Variants in CDKN2B observed in about 807,000 individuals in gnomAD.
CDKN2B encodes the protein cyclin dependent kinase inhibitor 2B.
Under a neutral mutation model 7.7 loss-of-function variants are expected in CDKN2B, and 8 were observed. The observed-to-expected ratio is 1.04, with a 90% CI of 0.61 to 1.87. The LOEUF is 1.87. Among genes scored for constraint, CDKN2B ranks in the 40% most tolerant of loss-of-function variants. The pLI, the probability that CDKN2B is intolerant of heterozygous loss-of-function variation, is 0.00. For synonymous variants in CDKN2B, 93 were observed against 95.8 expected, an observed-to-expected ratio of 0.97 and a Z score of 0.17; for missense variants, 244 against 213.1, an observed-to-expected ratio of 1.15 and a Z score of -0.90.
rs142459906 is a variant in CDKN2B at position 22,004,405 on chromosome 9, T to C, written c.*1582A>G. ...TATACACTTTGTGTTTAATTTTCTA[T>C]GGCATAAGTAAGCAGTTTTTATGAA... On this transcript the variant is annotated 3_prime_UTR_variant, in exon 2 of 2. Coordinates refer to ENST00000276925, the MANE Select transcript of CDKN2B (RefSeq NM_004936.4). 324 of 232,356 alleles carry C rather than the reference T, an allele frequency of 1.4e-3. 2 individuals carry two copies. Among genetic ancestry groups the C allele is most frequent in the African/African-American group, 6.5e-3 (296 of 45,448 alleles). 14.4% of individuals were successfully genotyped at this position (232,356 alleles called of 1,614,324 possible).
In CDKN2B at chr9:22,004,507, G is replaced by C; in HGVS notation, c.*1480C>G. ...CCTGTGAACCTTTAACATTTCTCAGGAGTTAGTGGTAAACCCATGAACATG... is the reference window on the plus strand; with the variant it reads ...CCTGTGAACCTTTAACATTTCTCAGCAGTTAGTGGTAAACCCATGAACATG... On this transcript the variant is annotated 3_prime_UTR_variant, in exon 2 of 2. Transcript: ENST00000276925. 4.3e-6 allele frequency: 1 copy of C among 232,600 alleles called. No homozygotes were observed. The highest frequency in any genetic ancestry group is 8.5e-6 in the Non-Finnish European group (1 of 117,676). 14.4% of individuals were successfully genotyped at this position (232,600 alleles called of 1,614,324 possible).
In CDKN2B at chr9:22,005,671, ATTTCATATGCAC is replaced by A. The variant is rs1176670137; in HGVS notation, c.*304_*315del. The A allele has an allele frequency of 1.0e-5, 5 of 497,746 alleles. No individual in the cohort carries two copies. The highest frequency in any genetic ancestry group is 9.9e-5 in the Admixed American group (3 of 30,372). 30.8% of individuals were successfully genotyped at this position (497,746 alleles called of 1,614,324 possible). The stretch of plus-strand genomic sequence containing the variant: ...TCGTAGCCACCAGGTCCAGTCAAGG[ATTTCATATGCAC>A]TTTCCCTCAGAAAACCCTGAAAAGC... On this transcript the variant is annotated 3_prime_UTR_variant, in exon 2 of 2. Coordinates refer to ENST00000276925, the MANE Select transcript of CDKN2B (RefSeq NM_004936.4). The surrounding 1 kb of genome is among the most constrained non-coding windows in gnomAD (Gnocchi z 4.9).
At chr9:22,008,751 C>G in intron 1 of CDKN2B, 47 bp downstream of exon 1, 1 of 1,610,396 alleles carries the variant, frequency 6.2e-7, no homozygotes, top group Non-Finnish European at 8.5e-7. Flanking sequence ...AGGCCGCGCC[C>G]CGCGTTCGCG....
Position 22,004,192 on chromosome 9 carries a change from C to T in CDKN2B, c.*1795G>A, listed in dbSNP as rs929800525. ...TTCCCCAATAACATATGCTCTGATT[C>T]TCAACTAACTTTCCCCAGTAATATG... is the stretch of plus-strand genomic sequence containing the variant. On this transcript the variant is annotated 3_prime_UTR_variant, in exon 2 of 2. Coordinates refer to ENST00000276925, the MANE Select transcript of CDKN2B (RefSeq NM_004936.4). The T allele has an allele frequency of 3.9e-5, 9 of 232,304 alleles. No homozygotes were observed. The highest frequency in any genetic ancestry group is 2.0e-4 in the African/African-American group (9 of 45,320). 14.4% of individuals were successfully genotyped at this position (232,304 alleles called of 1,614,324 possible).
In CDKN2B at chr9:22,006,233, G is replaced by T. The variant is rs1821181531; in HGVS notation, c.171C>A (p.Gly57=). Reference sequence around the variant, plus strand: ...GCAGCAGCTCCGCCACGCGGGCGCTGCCCATCATCATGACCTGCCAGAGAG... The same window carrying T: ...GCAGCAGCTCCGCCACGCGGGCGCTTCCCATCATCATGACCTGCCAGAGAG... The part of the protein sequence containing the change: ...GRRAIQVMMM[G]SARVAELLLL... The change falls in exon 2 of 2, where the codon GGC becomes GGA. Residue 57 remains glycine (G), a synonymous_variant. Coordinates refer to ENST00000276925, the MANE Select transcript of CDKN2B (RefSeq NM_004936.4). This position sits in a 1 kb window ranked among gnomAD's most constrained non-coding sequence, Gnocchi z 6.4. 2 of 1,606,048 alleles carry T rather than the reference G, an allele frequency of 1.2e-6. No individual in the cohort carries two copies. Among genetic ancestry groups the T allele is most frequent in the African/African-American group, 2.7e-5 (2 of 75,072 alleles).
Position 22,006,960 on chromosome 9 carries a change from G to A in CDKN2B, c.157-713C>T, listed in dbSNP as rs1216494611. 6.6e-6 allele frequency among the ~76,000 whole-genome samples: 1 copy of A among 151,982 alleles called. No individual in the cohort carries two copies. Among genetic ancestry groups the A allele is most frequent in the East Asian group, 1.9e-4 (1 of 5,204 alleles). On this transcript the variant is annotated intron_variant, in intron 1 of 1. Transcript: ENST00000276925. The surrounding 1 kb of genome is among the most constrained non-coding windows in gnomAD (Gnocchi z 6.4). ...TTAACAGTTCATCATTTTAAATTTA[G>A]ACTATAATATTTTTAATGTAATATA...
rs766011722 is a variant in CDKN2B, at chr9:22,005,977, G to A, written c.*10C>T. On this transcript the variant is annotated 3_prime_UTR_variant, in exon 2 of 2. Coordinates refer to ENST00000276925, the MANE Select transcript of CDKN2B (RefSeq NM_004936.4). The surrounding 1 kb of genome is among the most constrained non-coding windows in gnomAD (Gnocchi z 4.9). Reference sequence around the variant, plus strand: ...AATAAAGTCGTTGTGGGCGGCTGGGGAACCTGGCGTCAGTCCCCCGTGGCT... The same window carrying A: ...AATAAAGTCGTTGTGGGCGGCTGGGAAACCTGGCGTCAGTCCCCCGTGGCT... 3.8e-5 allele frequency: 61 copies of A among 1,600,624 alleles called. No individual in the cohort carries two copies. Among genetic ancestry groups the A allele is most frequent in the Middle Eastern group, 3.6e-4 (2 of 5,556 alleles).
rs1188669195 is a variant in CDKN2B at position 22,005,858 on chromosome 9, C to G, written c.*129G>C. ...CGGTCGGCTCCTCCTTCCTGTGAGT[C>G]TCAGACAGGCTTGCAGGCTTACAGG... On this transcript the variant is annotated 3_prime_UTR_variant, in exon 2 of 2. Transcript: ENST00000276925. The surrounding 1 kb of genome is among the most constrained non-coding windows in gnomAD (Gnocchi z 4.9). 2.3e-6 allele frequency: 3 copies of G among 1,303,932 alleles called. No individual in the cohort carries two copies. The highest frequency in any genetic ancestry group is 2.1e-6 in the Non-Finnish European group (2 of 939,934). 80.8% of individuals were successfully genotyped at this position (1,303,932 alleles called of 1,614,324 possible). A position where few individuals can be genotyped will look rare whatever the true frequency, so the allele number is the denominator to read the frequency against.
At chr9:22,008,368 T>A (rs1488142628) in intron 1 of CDKN2B, among the ~76,000 whole-genome samples, 1 of 152,236 alleles carries the variant, frequency 6.6e-6, no homozygotes, top group Admixed American at 6.5e-5. Context: ...TTTCATATAG[T>A]AGCTTAGAAG....
chr9:22,008,869 T>A lies in CDKN2B; in HGVS notation c.85A>T (p.Lys29Ter), dbSNP rs1385463467. 6.2e-7 allele frequency: 1 copy of A among 1,612,154 alleles called. No homozygotes were observed. ...ASAAARGLVE[K>*]VRQLLEAGAD... ...CCGGCTTCCAGGAGCTGTCGCACCT[T>A]CTCCACTAGTCCCCGCGCCGCGGCG... is the stretch of plus-strand genomic sequence containing the variant. Residue 29 changes from lysine to a stop codon, truncating the protein, a stop_gained, in exon 1 of 2, where the codon AAG becomes TAG. Coordinates refer to ENST00000276925, the MANE Select transcript of CDKN2B (RefSeq NM_004936.4). LOFTEE classifies it high-confidence loss of function.
rs1821181674 is a variant in CDKN2B at position 22,006,235 on chromosome 9, C to G, written c.169G>C (p.Gly57Arg). 1 of 1,605,764 alleles carries G rather than the reference C, an allele frequency of 6.2e-7. No homozygotes were observed. The highest frequency in any genetic ancestry group is 8.5e-7 in the Non-Finnish European group (1 of 1,179,804). ...GRRAIQVMMM[G>R]SARVAELLLL... ...AGCAGCTCCGCCACGCGGGCGCTGC[C>G]CATCATCATGACCTGCCAGAGAGAG... Residue 57 changes from glycine to arginine, a missense_variant, in exon 2 of 2, where the codon GGC (glycine) becomes CGC (arginine). Physicochemically the swap from Gly to Arg is moderately radical, Grantham distance 125. Transcript: ENST00000276925. The surrounding 1 kb of genome is among the most constrained non-coding windows in gnomAD (Gnocchi z 6.4).
Position 22,009,219 on chromosome 9 carries a change from CG to C in CDKN2B, c.-267del. ...TGCTTCTGGGAAAAAGCGCCTAGCG[CG>C]GACGCAGCCGAGCTCAAAGCCGCTC... On this transcript the variant is annotated 5_prime_UTR_variant, in exon 1 of 2. Coordinates refer to ENST00000276925, the MANE Select transcript of CDKN2B (RefSeq NM_004936.4). 1 of 587,018 alleles carries C rather than the reference CG, an allele frequency of 1.7e-6. No homozygotes were observed. Among genetic ancestry groups the C allele is most frequent in the Non-Finnish European group, 3.0e-6 (1 of 329,976 alleles). The allele number at this position is 587,018 out of a possible 1,614,324, so 36.4% of individuals were successfully genotyped here.
At position 22,009,073 on chromosome 9, in the gene CDKN2B, G is replaced by A; in HGVS notation, c.-120C>T. 1 of 1,471,738 alleles carries A rather than the reference G, an allele frequency of 6.8e-7. No individual in the cohort carries two copies. The highest frequency in any genetic ancestry group is 1.8e-5 in the Admixed American group (1 of 56,610). The allele number at this position is 1,471,738 out of a possible 1,614,324, so 91.2% of individuals were successfully genotyped here. A position where few individuals can be genotyped will look rare whatever the true frequency, so the allele number is the denominator to read the frequency against. On this transcript the variant is annotated 5_prime_UTR_variant, in exon 1 of 2. Transcript: ENST00000276925. The stretch of plus-strand genomic sequence containing the variant: ...ACTCTCTCCTTCCTAGGAGACCTGG[G>A]CTCAGCTTCATTACCCTCCCGTCGT...
intron 1 of CDKN2B, among the ~76,000 whole-genome samples, chr9:22,008,085 C>T (rs1821285778): frequency 6.6e-6 from 1 of 152,138 alleles, no homozygotes; most frequent in Non-Finnish European, 1.5e-5. Context: ...CGTACTTAAA[C>T]ATTGAATAAG....
At position 22,003,679 on chromosome 9, in the gene CDKN2B, C is replaced by A. The variant is rs993465523; in HGVS notation, c.*2308G>T. On this transcript the variant is annotated 3_prime_UTR_variant, in exon 2 of 2. Coordinates refer to ENST00000276925, the MANE Select transcript of CDKN2B (RefSeq NM_004936.4). ...TGATAACTAGAAATATATTTTCTGT[C>A]CCTGTGCTTCAGTTTGAAAATGGAG... 1 of 231,096 alleles carries A rather than the reference C, an allele frequency of 4.3e-6. No individual in the cohort carries two copies. Among genetic ancestry groups the A allele is most frequent in the Non-Finnish European group, 8.6e-6 (1 of 116,920 alleles). The allele number at this position is 231,096 out of a possible 1,614,324, so 14.3% of individuals were successfully genotyped here.
At position 22,008,947 on chromosome 9, in the gene CDKN2B, C is replaced by T; in HGVS notation, c.7G>A (p.Glu3Lys). Residue 3 changes from glutamate (E) to lysine (K), a missense_variant, in exon 1 of 2, where the codon GAG becomes AAG. By Grantham distance (56) the Glu-to-Lys change is moderately conservative. Transcript: ENST00000276925. The part of the protein sequence containing the change: MR[E>K]ENKGMPSGGG... ...CCACTGGGCATGCCCTTGTTCTCCT[C>T]GCGCATTCCGCAGCCCCCAGACGCG... 1 of 1,612,996 alleles carries T rather than the reference C, an allele frequency of 6.2e-7. No individual in the cohort carries two copies. The highest frequency in any genetic ancestry group is 8.5e-7 in the Non-Finnish European group (1 of 1,179,956).
In CDKN2B at chr9:22,008,906, C is replaced by T. The variant is rs748308679; in HGVS notation, c.48G>A (p.Glu16=). The T allele has an allele frequency of 1.2e-6, 2 of 1,612,988 alleles. No homozygotes were observed. Among genetic ancestry groups the T allele is most frequent in the Non-Finnish European group, 8.5e-7 (1 of 1,179,908 alleles). ...KGMPSGGGSD[E]GLASAAARGL... is the part of the protein sequence containing the mutation. ...CCCGCGCCGCGGCGCTGGCCAGACC[C>T]TCATCGCTGCCGCCCCCACTGGGCA... The change falls in exon 1 of 2, where the codon GAG becomes GAA. Residue 16 remains glutamate, a synonymous_variant. Transcript: ENST00000276925.
At position 22,006,560 on chromosome 9, in the gene CDKN2B, T is replaced by G. The variant is rs1036997480; in HGVS notation, c.157-313A>C. Among the ~76,000 whole-genome samples, 1 of 152,200 alleles carries G rather than the reference T, an allele frequency of 6.6e-6. No homozygotes were observed. Among genetic ancestry groups the G allele is most frequent in the Non-Finnish European group, 1.5e-5 (1 of 68,040 alleles). ...ACAAATCTTGATTTCCATTGGAACA[T>G]GGGAATCTATTTTGTTAAATGATTT... On this transcript the variant is annotated intron_variant, in intron 1 of 1. Coordinates refer to ENST00000276925, the MANE Select transcript of CDKN2B (RefSeq NM_004936.4). The surrounding 1 kb of genome is among the most constrained non-coding windows in gnomAD (Gnocchi z 6.4).
chr9:22,006,394 G>T lies in CDKN2B; in HGVS notation c.157-147C>A. On this transcript the variant is annotated intron_variant, in intron 1 of 1. Coordinates refer to ENST00000276925, the MANE Select transcript of CDKN2B (RefSeq NM_004936.4). This position sits in a 1 kb window ranked among gnomAD's most constrained non-coding sequence, Gnocchi z 6.4. ...GAGGTGTTCAGGTCTCTGATGTCTG[G>T]TGTTTCTTCATTTGCTGATGCAATC... 4.5e-6 allele frequency: 5 copies of T among 1,111,974 alleles called. No individual in the cohort carries two copies. The highest frequency in any genetic ancestry group is 2.1e-5 in the Admixed American group (1 of 48,012). 68.9% of individuals were successfully genotyped at this position (1,111,974 alleles called of 1,614,324 possible).
Sources: gnomAD v4.1 joint callset for allele counts (sites outside exome capture counted in the v4.1 genomes callset) on GRCh38, gnomAD v4.1.1 for gene constraint, Gnocchi (gnomAD v3.1) non-coding constraint, MANE v1.5 for transcripts, NCBI Gene and HGNC (gene_info 2026-07-23, HGNC 2026-07-21) for gene names.